Variants in RPA1 observed in about 807,000 individuals in gnomAD.
The protein encoded by RPA1 is replication protein A 70 kDa DNA-binding subunit.
RPA1 carries 49 observed loss-of-function variants against 83.0 expected under a neutral mutation model. The ratio of observed to expected loss-of-function variants is 0.59; its 90% CI spans 0.47 to 0.75. The LOEUF (loss-of-function observed/expected upper bound fraction) is 0.75. Among genes scored for constraint, RPA1 ranks in the 30% least tolerant of loss-of-function variants. RPA1 has a pLI of 0.00. For synonymous variants in RPA1, 279 were observed against 281.8 expected (o/e 0.99, Z 0.10); for missense variants, 693 against 776.1 (o/e 0.89, Z 1.27).
At chr17:1,862,052 G>A (rs1474677917) in intron 5 of RPA1, among the ~76,000 whole-genome samples, 2 of 151,208 alleles carry the variant, frequency 1.3e-5, no homozygotes, top group Admixed American at 1.3e-4. Flanking sequence ...CACCATGCCC[G>A]GGTGATTTTT....
intron 12 of RPA1, among the ~76,000 whole-genome samples, chr17:1,881,962 G>T (rs1913816716): frequency 6.6e-6 from 1 of 152,348 alleles, no homozygotes; most frequent in South Asian, 2.1e-4. Context: ...TGTGTAGCTA[G>T]TAGTGGTGAA....
intron 12 of RPA1, 85 bp from the exon 13 acceptor site, chr17:1,883,727 C>T: frequency 6.3e-7 from 1 of 1,581,230 alleles, no homozygotes; most frequent in African/African-American, 1.3e-5. Context: ...AAACCTGTGT[C>T]TGTCGCGTAG....
intron 14 of RPA1, among the ~76,000 whole-genome samples, chr17:1,890,836 G>A (rs536148134): frequency 1.3e-5 from 2 of 152,224 alleles, no homozygotes; most frequent in Non-Finnish European, 2.9e-5. Flanking sequence ...ACTCCACAGC[G>A]CAATCTCCCG....
At chr17:1,880,429 C>A in intron 11 of RPA1, 114 bp from the exon 12 acceptor site, 1 of 1,092,122 alleles carries the variant, frequency 9.2e-7, no homozygotes, top group East Asian at 2.4e-5. Context: ...GTATGGATTC[C>A]ATGTACGCTG....
At chr17:1,893,238 C>T (rs946175540) in intron 15 of RPA1, among the ~76,000 whole-genome samples, 4 of 152,144 alleles carry the variant, frequency 2.6e-5, no homozygotes, top group South Asian at 4.1e-4. Flanking sequence ...TTTTAAGGCC[C>T]GAGTAAGCCT....
chr17:1,891,544 T>G, intron 14 of RPA1: 2 of 101,340 alleles, frequency 2.0e-5, no homozygotes, highest in Non-Finnish European at 6.0e-5. Flanking sequence ...CTCAGCCTCC[T>G]GAGTAGCTGG....
Position 1,898,371 on chromosome 17 carries a change from T to C in RPA1, c.*1196T>C, listed in dbSNP as rs533457276. On this transcript the variant is annotated 3_prime_UTR_variant, in exon 17 of 17. Coordinates refer to ENST00000254719, the MANE Select transcript of RPA1 (RefSeq NM_002945.5). The stretch of plus-strand genomic sequence containing the variant: ...TTTGAAATGTGTACAGACAGTGAGC[T>C]GGTAAGAAAACAGTAATTATGCTAG... 1 of 152,390 alleles carries C rather than the reference T, an allele frequency of 6.6e-6. No homozygotes were observed. The highest frequency in any genetic ancestry group is 2.1e-4 in the South Asian group (1 of 4,832). 9.4% of individuals were successfully genotyped at this position (152,390 alleles called of 1,614,324 possible). A position where few individuals can be genotyped will look rare whatever the true frequency, so the allele number is the denominator to read the frequency against.
At chr17:1,896,029 A>G (rs773279501) in intron 16 of RPA1, among the ~76,000 whole-genome samples, 2 of 152,184 alleles carry the variant, frequency 1.3e-5, no homozygotes, top group Non-Finnish European at 2.9e-5. Context: ...TCTGCCAGGT[A>G]ACTGTTCTAC....
At chr17:1,879,463 C>T (rs773026658) in intron 10 of RPA1, 56 bp downstream of exon 10, 24 of 1,610,076 alleles carry the variant, frequency 1.5e-5, no homozygotes, top group African/African-American at 6.7e-5. Flanking sequence ...TTGCAGTGTA[C>T]GGGGTGGTGT....
chr17:1,839,695 T>G (rs1246976860), intron 1 of RPA1, among the ~76,000 whole-genome samples: 1 of 150,076 alleles, frequency 6.7e-6, no homozygotes, highest in Non-Finnish European at 1.5e-5. Flanking sequence ...TGCAGTGACA[T>G]ACATGATCAT....
At chr17:1,868,585 A>G (rs1300963575) in intron 5 of RPA1, among the ~76,000 whole-genome samples, 1 of 152,164 alleles carries the variant, frequency 6.6e-6, no homozygotes, top group Non-Finnish European at 1.5e-5. Flanking sequence ...AGCCTGGCAT[A>G]CATGGTGAAA....
At position 1,877,313 on chromosome 17, in the gene RPA1, G is replaced by C; in HGVS notation, c.689G>C (p.Ser230Thr). The C allele has an allele frequency of 6.2e-7, 1 of 1,613,864 alleles. No individual in the cohort carries two copies. The highest frequency in any genetic ancestry group is 1.3e-5 in the African/African-American group (1 of 75,042). The change falls in exon 8 of 17, where the codon AGT (serine) becomes ACT (threonine). Residue 230 changes from serine (S) to threonine (T), a missense_variant and splice_region_variant. By Grantham distance (58) the Ser-to-Thr change is moderately conservative (BLOSUM62 1). Coordinates refer to ENST00000254719, the MANE Select transcript of RPA1 (RefSeq NM_002945.5). ...TTCTCCCTAGAACTGGTTGACGAAAGTGTGAGTGTTTGTCATGCTGGGGAG... is the reference window on the plus strand; with the variant it reads ...TTCTCCCTAGAACTGGTTGACGAAACTGTGAGTGTTTGTCATGCTGGGGAG... ...KLFSLELVDE[S>T]GEIRATAFNE...
chr17:1,843,875 G>A (rs758476043), intron 2 of RPA1, 45 bp from the exon 3 acceptor site: 2 of 1,547,042 alleles, frequency 1.3e-6, no homozygotes, highest in Admixed American at 3.4e-5. Flanking sequence ...TATCCCTGGG[G>A]ACGGGGCAGA....
At chr17:1,894,891 C>T in intron 15 of RPA1, 118 bp from the exon 16 acceptor site, 1 of 719,188 alleles carries the variant, frequency 1.4e-6, no homozygotes, top group Non-Finnish European at 2.4e-6. Flanking sequence ...TGAGTCATTC[C>T]TAAGTAATTT....
At chr17:1,891,373 A>G (rs1477799714) in intron 14 of RPA1, among the ~76,000 whole-genome samples, 1 of 152,196 alleles carries the variant, frequency 6.6e-6, no homozygotes, top group Non-Finnish European at 1.5e-5. Flanking sequence ...TTGAAAATGC[A>G]GAGAACTCCC....
At position 1,852,451 on chromosome 17, in the gene RPA1, C is replaced by T. The variant is rs17291867; in HGVS notation, c.273-650C>T. 3.2e-4 allele frequency among the ~76,000 whole-genome samples: 48 copies of T among 152,162 alleles called. No homozygotes were observed. In the East Asian group the frequency reaches 6.4e-3, roughly 20 times the overall value. ...GGCAAAATGAGAAGGAACACAACAC[C>T]GCAATCTCAGAGCATCACGGACAAA... On this transcript the variant is annotated intron_variant, in intron 4 of 16. Coordinates refer to ENST00000254719, the MANE Select transcript of RPA1 (RefSeq NM_002945.5).
Position 1,897,256 on chromosome 17 carries a change from A to G in RPA1, c.*81A>G, listed in dbSNP as rs111579585. The stretch of plus-strand genomic sequence containing the variant: ...CCTCCCACCTCCGTGTGACGATCCC[A>G]TGTTAGCTACACAGTGCAGAGGCTC... On this transcript the variant is annotated 3_prime_UTR_variant, in exon 17 of 17. Coordinates refer to ENST00000254719, the MANE Select transcript of RPA1 (RefSeq NM_002945.5). The G allele has an allele frequency of 4.7e-4, 507 of 1,071,704 alleles. 2 individuals carry two copies. The African/African-American group carries it at 6.3e-3, about 13-fold the overall frequency. 66.4% of individuals were successfully genotyped at this position (1,071,704 alleles called of 1,614,324 possible). A position where few individuals can be genotyped will look rare whatever the true frequency, so the allele number is the denominator to read the frequency against.
intron 16 of RPA1, among the ~76,000 whole-genome samples, chr17:1,896,406 G>A (rs566999165): frequency 1.8e-4 from 27 of 152,288 alleles, no homozygotes; most frequent in African/African-American, 5.3e-4. Context: ...TGGTAGAAAC[G>A]CCCCTGCTGA....
chr17:1,846,261 G>T (rs965736286), intron 4 of RPA1, among the ~76,000 whole-genome samples: 3 of 148,870 alleles, frequency 2.0e-5, no homozygotes, highest in African/African-American at 7.4e-5. Flanking sequence ...TTGATCTGGA[G>T]AAGTCTTAAG....
Sources: allele counts gnomAD v4.1 joint callset (sites outside exome capture counted in the v4.1 genomes callset), GRCh38; gene constraint gnomAD v4.1.1; transcripts MANE v1.5; gene names NCBI Gene and HGNC (gene_info 2026-07-23, HGNC 2026-07-21).